Variants in BEND4 observed in about 807,000 individuals in gnomAD.
The protein encoded by BEND4 is BEN domain containing 4, also known as BEN domain-containing protein 4.
In BEND4, 27 loss-of-function variants were observed where a neutral mutation model predicts 54.7. The observed-to-expected ratio is 0.49, with a 90% CI of 0.36 to 0.68. The LOEUF is 0.68. BEND4 is among the 30% of genes least tolerant of loss of function. The probability of loss-of-function intolerance (pLI) is 0.00; values close to 1 mark genes in which losing one functional copy is unlikely to be tolerated. For missense variants in BEND4, 702 were observed against 697.2 expected (o/e 1.01, Z -0.08); for synonymous variants, 327 against 299.5 (o/e 1.09, Z -0.95).
At chr4:42,143,336 T>C in intron 3 of BEND4, 92 bp downstream of exon 3, 2 of 1,155,884 alleles carry the variant, frequency 1.7e-6, no homozygotes, top group Non-Finnish European at 2.5e-6. Context: ...CATATACACA[T>C]ACACATACAT....
chr4:42,127,002 TAATA>T (rs1367154426), intron 3 of BEND4, among the ~76,000 whole-genome samples: 2 of 152,192 alleles, frequency 1.3e-5, no homozygotes, highest in South Asian at 2.1e-4. Flanking sequence ...TTCAAGAAAA[TAATA>T]AATATTTAAC....
At position 42,122,010 on chromosome 4, in the gene BEND4, C is replaced by G. The variant is rs565487113; in HGVS notation, c.1147-1716G>C. 2.0e-5 allele frequency among the ~76,000 whole-genome samples: 3 copies of G among 152,152 alleles called. No individual in the cohort carries two copies. The East Asian group carries it at 5.8e-4, about 29-fold the overall frequency. On this transcript the variant is annotated intron_variant, in intron 4 of 5. Transcript: ENST00000502486. ...CTCTGAATGGTTGACCCCCAGCCCT[C>G]AGGGAGGCTGGGTGGGCCGGGAGCG...
At chr4:42,138,885 A>G (rs1376940231) in intron 3 of BEND4, among the ~76,000 whole-genome samples, 1 of 152,218 alleles carries the variant, frequency 6.6e-6, no homozygotes, top group East Asian at 1.9e-4. Context: ...CTTTGTGTTC[A>G]AAGATAATTA....
At position 42,151,840 on chromosome 4, in the gene BEND4, G is replaced by T; in HGVS notation, c.304C>A (p.Pro102Thr). The change falls in exon 2 of 6, where the codon CCG (proline) becomes ACG (threonine). Residue 102 changes from proline to threonine, a missense_variant. Pro to Thr is a conservative substitution (Grantham distance 38). Transcript: ENST00000502486. ...RAAAAASSSS[P>T]SCTPATSQGH... ...TGGGATGTGGCGGGCGTGCAGGACG[G>T]CGACGACGACGAAGCGGCGGCGGCG... The T allele has an allele frequency of 7.4e-7, 1 of 1,346,366 alleles. No homozygotes were observed. The highest frequency in any genetic ancestry group is 3.1e-5 in the East Asian group (1 of 32,302). The allele number at this position is 1,346,366 out of a possible 1,614,324, so 83.4% of individuals were successfully genotyped here.
intron 3 of BEND4, among the ~76,000 whole-genome samples, chr4:42,129,832 G>A (rs1305453756): frequency 1.3e-5 from 2 of 152,158 alleles, no homozygotes; most frequent in African/African-American, 2.4e-5. Flanking sequence ...TACCATTCAG[G>A]ACATAGGCAC....
At chr4:42,131,724 A>G (rs1425222096) in intron 3 of BEND4, among the ~76,000 whole-genome samples, 1 of 152,162 alleles carries the variant, frequency 6.6e-6, no homozygotes, top group African/African-American at 2.4e-5. Flanking sequence ...TGGGTCCTGT[A>G]CATTGATACC....
rs967382548 is a variant in BEND4 at position 42,117,882 on chromosome 4, C to T, written c.1388-147G>A. ...ATCCAACGCAATGCCATGATGATGT[C>T]ACTCATTAGACCCAATTTATTCCAT... is the stretch of plus-strand genomic sequence containing the variant. On this transcript the variant is annotated intron_variant, in intron 5 of 5. Transcript: ENST00000502486. 3.6e-5 allele frequency: 22 copies of T among 618,398 alleles called. 1 individual carries two copies. The highest frequency in any genetic ancestry group is 6.4e-5 in the Admixed American group (2 of 31,316). The allele number at this position is 618,398 out of a possible 1,614,324, so 38.3% of individuals were successfully genotyped here.
At chr4:42,138,143 T>C (rs939257496) in intron 3 of BEND4, among the ~76,000 whole-genome samples, 6 of 152,310 alleles carry the variant, frequency 3.9e-5, no homozygotes, top group South Asian at 2.1e-4. Context: ...CCCACGTTCA[T>C]TGCAGCATTA....
rs987783939 is a variant in BEND4, at chr4:42,143,972, G to A, written c.510C>T (p.Ala170=). 4 of 1,563,854 alleles carry A rather than the reference G, an allele frequency of 2.6e-6. No individual in the cohort carries two copies. Among genetic ancestry groups the A allele is most frequent in the Non-Finnish European group, 3.5e-6 (4 of 1,158,962 alleles). The part of the protein sequence containing the change: ...LSAESRMILD[A]FAQQCSRVLS... ...GAACTCGACTGCACTGCTGGGCAAA[G>A]GCATCCAAGATCATTCGACTCTCTG... Residue 170 remains alanine (A), a synonymous_variant, in exon 3 of 6, where the codon GCC becomes GCT. Transcript: ENST00000502486.
chr4:42,129,397 A>T (rs1412914124), intron 3 of BEND4, among the ~76,000 whole-genome samples: 4 of 152,220 alleles, frequency 2.6e-5, no homozygotes, highest in Non-Finnish European at 1.5e-5. Context: ...CCTACCATTG[A>T]CATTCTTCAC....
At chr4:42,147,481 C>CTTTTTT (rs71664398) in intron 2 of BEND4, among the ~76,000 whole-genome samples, 24 of 131,930 alleles carry the variant, frequency 1.8e-4, no homozygotes, top group Non-Finnish European at 1.8e-4. Flanking sequence ...ATTTTTTTAA[C>CTTTTTT]TTTTTTTTTT....
chr4:42,151,980 G>A lies in BEND4; in HGVS notation c.164C>T (p.Pro55Leu), dbSNP rs767101355. Residue 55 changes from proline to leucine, a missense_variant, in exon 2 of 6, where the codon CCC becomes CTC. By Grantham distance (98) the Pro-to-Leu change is moderately conservative. Transcript: ENST00000502486. Reference protein sequence around the residue: ...TLVELPHVRAPPPPPPPFAPH... With the variant: ...TLVELPHVRALPPPPPPFAPH... ...CGCGAAGGGCGGCGGGGGCGGCGGG[G>A]GCGCCCGCACGTGCGGCAGCTCCAC... The A allele has an allele frequency of 6.9e-5, 87 of 1,253,132 alleles. No homozygotes were observed. In the African/African-American group the frequency reaches 1.3e-3, roughly 19 times the overall value. The allele number at this position is 1,253,132 out of a possible 1,614,324, so 77.6% of individuals were successfully genotyped here. A position where few individuals can be genotyped will look rare whatever the true frequency, so the allele number is the denominator to read the frequency against.
chr4:42,148,881 C>T (rs1423335985), intron 2 of BEND4, among the ~76,000 whole-genome samples: 1 of 152,164 alleles, frequency 6.6e-6, no homozygotes, highest in East Asian at 1.9e-4. Context: ...GAAAAATATG[C>T]TTTTAAAACC....
Position 42,117,524 on chromosome 4 carries a change from C to T in BEND4, c.1599G>A (p.Gly533=). ...AACAGGAAGATTCTGTCCACTAATC[C>T]CCAGATCCATCCTGGGAACTTTTAT... ...VFNKSSQDGS[G]D is the part of the protein sequence containing the mutation. Residue 533 remains glycine, a synonymous_variant, in exon 6 of 6, where the codon GGG becomes GGA. Coordinates refer to ENST00000502486, the MANE Select transcript of BEND4 (RefSeq NM_207406.4). The T allele has an allele frequency of 6.2e-7, 1 of 1,607,856 alleles. No homozygotes were observed. Among genetic ancestry groups the T allele is most frequent in the African/African-American group, 1.3e-5 (1 of 74,916 alleles).
chr4:42,135,817 GTAT>G (rs1335923059), intron 3 of BEND4, among the ~76,000 whole-genome samples: 1 of 152,046 alleles, frequency 6.6e-6, no homozygotes, highest in Non-Finnish European at 1.5e-5. Flanking sequence ...CATTCCTAGA[GTAT>G]TATTAACCTC....
intron 2 of BEND4, 197 bp downstream of exon 2, chr4:42,151,460 C>T: frequency 2.3e-6 from 1 of 442,872 alleles, no homozygotes; most frequent in Non-Finnish European, 3.7e-6. Context: ...AGGCGCGCGC[C>T]GTCGGAAGCC....
At position 42,152,009 on chromosome 4, in the gene BEND4, G is replaced by A. The variant is rs1721316213; in HGVS notation, c.135C>T (p.Thr45=). Residue 45 remains threonine, a synonymous_variant, in exon 2 of 6, where the codon ACC becomes ACT. Coordinates refer to ENST00000502486, the MANE Select transcript of BEND4 (RefSeq NM_207406.4). ...CCCGCACGTGCGGCAGCTCCACCAGGGTGGGTCGCTCGTAGCGCTTGGCCA... is the reference window on the plus strand; with the variant it reads ...CCCGCACGTGCGGCAGCTCCACCAGAGTGGGTCGCTCGTAGCGCTTGGCCA... ...PALAKRYERP[T]LVELPHVRAP... The A allele has an allele frequency of 8.8e-6, 11 of 1,253,944 alleles. No individual in the cohort carries two copies. The highest frequency in any genetic ancestry group is 1.1e-5 in the Non-Finnish European group (11 of 993,840). The allele number at this position is 1,253,944 out of a possible 1,614,324, so 77.7% of individuals were successfully genotyped here.
chr4:42,132,053 T>C (rs1198268562), intron 3 of BEND4, among the ~76,000 whole-genome samples: 1 of 151,690 alleles, frequency 6.6e-6, no homozygotes, highest in African/African-American at 2.4e-5. Flanking sequence ...CGGAGACAGG[T>C]GCGTCTAGAA....
rs543098447 is a variant in BEND4 at position 42,115,961 on chromosome 4, C to A, written c.*1557G>T. 6.6e-6 allele frequency: 1 copy of A among 152,318 alleles called. No homozygotes were observed. Among genetic ancestry groups the A allele is most frequent in the Non-Finnish European group, 1.5e-5 (1 of 68,030 alleles). 9.4% of individuals were successfully genotyped at this position (152,318 alleles called of 1,614,324 possible). Reference sequence around the variant, plus strand: ...GATGACCACCTCCATAAACATTAAACTTTTCAATGGATGAATTCTAGTAAT... The same window carrying A: ...GATGACCACCTCCATAAACATTAAAATTTTCAATGGATGAATTCTAGTAAT... On this transcript the variant is annotated 3_prime_UTR_variant, in exon 6 of 6. Transcript: ENST00000502486.
Sources: gnomAD v4.1 joint callset for allele counts (sites outside exome capture counted in the v4.1 genomes callset) on GRCh38, gnomAD v4.1.1 for gene constraint, MANE v1.5 for transcripts, NCBI Gene and HGNC (gene_info 2026-07-23, HGNC 2026-07-21) for gene names.